The following PCDHA8 variants were observed in gnomAD, a reference collection of about 807,000 sequenced individuals.
The protein encoded by PCDHA8 is protocadherin alpha-8.
PCDHA8 carries 53 observed loss-of-function variants against 61.8 expected under a neutral mutation model. That is an observed-to-expected ratio of 0.86 (90% CI 0.69 to 1.08). PCDHA8 has a LOEUF of 1.08. PCDHA8 is among the 50% of genes least tolerant of loss of function. The pLI, the probability that PCDHA8 is intolerant of heterozygous loss-of-function variation, is 0.00. For missense variants in PCDHA8, 1,293 were observed against 1,245.0 expected, an observed-to-expected ratio of 1.04 and a Z score of -0.58; for synonymous variants, 618 against 556.6, an observed-to-expected ratio of 1.11 and a Z score of -1.55.
chr5:140,978,994 G>A lies in PCDHA8; in HGVS notation c.2440G>A (p.Ala814Thr). The A allele has an allele frequency of 6.2e-7, 1 of 1,614,152 alleles. No homozygotes were observed. The highest frequency in any genetic ancestry group is 8.5e-7 in the Non-Finnish European group (1 of 1,180,022). The change falls in exon 2 of 4, where the codon GCA (alanine) becomes ACA (threonine). Residue 814 changes from alanine to threonine, a missense_variant. Coordinates refer to ENST00000531613, the MANE Select transcript of PCDHA8 (RefSeq NM_018911.3). ...CTGGCGTTACTCTGCCTCCCTGAGA[G>A]CAGGCATGCACAGGTATGTATTTCC... ...PDWRYSASLR[A>T]GMHSSVHLEE... is the part of the protein sequence containing the mutation.
At chr5:140,876,714 CCGCGAGAG>C in intron 1 of PCDHA8, 1 of 1,614,230 alleles carries the variant, frequency 6.2e-7, no homozygotes, top group East Asian at 2.2e-5. Context: ...GCGCCCTGGA[CCGCGAGAG>C]CGTGTCGGCC....
intron 1 of PCDHA8, among the ~76,000 whole-genome samples, chr5:140,895,125 G>T (rs1165797883): frequency 2.0e-5 from 3 of 152,068 alleles, no homozygotes; most frequent in African/African-American, 7.2e-5. Flanking sequence ...TTTGTTAGTT[G>T]ACAAGTTCAT....
Position 140,841,519 on chromosome 5 carries a change from G to A in PCDHA8, c.198G>A (p.Val66=). 6.2e-7 allele frequency: 1 copy of A among 1,613,590 alleles called. No individual in the cohort carries two copies. Among genetic ancestry groups the A allele is most frequent in the Non-Finnish European group, 8.5e-7 (1 of 1,179,976 alleles). Residue 66 remains valine (V), a synonymous_variant, in exon 1 of 4, where the codon GTG becomes GTA. Transcript: ENST00000531613. The stretch of plus-strand genomic sequence containing the variant: ...AGCTGGTGCCGCGCCTGTTCCGGGT[G>A]GCGTCCAAAAGACACCGGGACCTTC... The part of the protein sequence containing the change: ...LAELVPRLFR[V]ASKRHRDLLE...
intron 1 of PCDHA8, chr5:140,870,022 T>G (rs1554163715): frequency 6.2e-7 from 1 of 1,613,310 alleles, no homozygotes; most frequent in Admixed American, 1.7e-5. Context: ...CAATGGAACT[T>G]TAGATTATGA....
At chr5:140,968,431 G>A in intron 1 of PCDHA8, 1 of 1,613,980 alleles carries the variant, frequency 6.2e-7, no homozygotes, top group Non-Finnish European at 8.5e-7. Context: ...AGGACAAGGG[G>A]AGCCCACCAC....
chr5:140,901,681 T>C (rs144868677), intron 1 of PCDHA8, among the ~76,000 whole-genome samples: 8 of 152,316 alleles, frequency 5.3e-5, no homozygotes, highest in African/African-American at 1.7e-4. Context: ...TTAGGTATTA[T>C]GGGTATTTTG....
chr5:140,850,114 C>T (rs2150468329), intron 1 of PCDHA8: 2 of 1,595,992 alleles, frequency 1.3e-6, no homozygotes, highest in Non-Finnish European at 1.7e-6. Context: ...GCGCGCGACG[C>T]GGGCGTGCCG....
At chr5:140,961,113 C>T (rs2095591220) in intron 1 of PCDHA8, among the ~76,000 whole-genome samples, 1 of 152,190 alleles carries the variant, frequency 6.6e-6, no homozygotes, top group Non-Finnish European at 1.5e-5. Context: ...AACCCCCTTG[C>T]ATCTTAATGT....
chr5:140,851,954 GGT>G, intron 1 of PCDHA8: 1 of 974,722 alleles, frequency 1.0e-6, no homozygotes, highest in Non-Finnish European at 1.2e-6. Flanking sequence ...CTTTCAAAAT[GGT>G]GGTTTTCCAC....
In PCDHA8 at chr5:140,979,814, T is replaced by C. The variant is rs1296773498; in HGVS notation, c.2453+807T>C. 3.3e-5 allele frequency among the ~76,000 whole-genome samples: 5 copies of C among 152,232 alleles called. No homozygotes were observed. The South Asian group carries it at 8.3e-4, about 25-fold the overall frequency. On this transcript the variant is annotated intron_variant, in intron 2 of 3. Transcript: ENST00000531613. The stretch of plus-strand genomic sequence containing the variant: ...CAAATGATCACAACTATCAAAAGGA[T>C]TTAATTTTAAAGAAGAAATAATCTT...
intron 1 of PCDHA8, chr5:140,881,923 AGTGATT>A (rs2058875658): frequency 3.8e-6 from 1 of 262,834 alleles, no homozygotes; most frequent in African/African-American, 2.2e-5. Flanking sequence ...AGCAGAATGC[AGTGATT>A]TGCTGTTTCT....
rs1554164263 is a variant in PCDHA8, at chr5:140,870,437, C to T, written c.2394+26722C>T. ...ACGGCCAGGGTATCCGTGGAGGTGG[C>T]CGACGTGAACGACAATGCGCCTGCG... On this transcript the variant is annotated intron_variant, in intron 1 of 3. Transcript: ENST00000531613. 3.1e-6 allele frequency: 5 copies of T among 1,614,210 alleles called. No homozygotes were observed. In the East Asian group the frequency reaches 1.1e-4, roughly 36 times the overall value.
chr5:140,886,931 G>C (rs1426144437), intron 1 of PCDHA8, among the ~76,000 whole-genome samples: 1 of 151,756 alleles, frequency 6.6e-6, no homozygotes, highest in South Asian at 2.1e-4. Flanking sequence ...CTATGTGCCA[G>C]GCATGTTCTA....
chr5:140,854,758 C>T (rs2150321610), intron 1 of PCDHA8: 1 of 149,590 alleles, frequency 6.7e-6, no homozygotes, highest in South Asian at 2.1e-4. Context: ...ATTACATTTT[C>T]ATTCCTGAAT....
At chr5:141,005,520 G>A (rs34458028) in intron 3 of PCDHA8, among the ~76,000 whole-genome samples, 7,602 of 151,238 alleles carry the variant, frequency 0.05, 239 homozygotes, top group South Asian at 0.11. Flanking sequence ...TGGCTAACAC[G>A]GTGAAACCCC....
chr5:140,960,120 C>A (rs2095527331), intron 1 of PCDHA8, among the ~76,000 whole-genome samples: 1 of 152,118 alleles, frequency 6.6e-6, no homozygotes, highest in African/African-American at 2.4e-5. Context: ...AATAGTATTC[C>A]TTATGAAATA....
In PCDHA8 at chr5:140,883,748, C is replaced by T. The variant is rs782541066; in HGVS notation, c.2394+40033C>T. The T allele has an allele frequency of 4.3e-6, 7 of 1,613,146 alleles. No individual in the cohort carries two copies. The East Asian group carries it at 1.6e-4, about 36-fold the overall frequency. On this transcript the variant is annotated intron_variant, in intron 1 of 3. Transcript: ENST00000531613. ...GGAGAACGCGCTGGTCTCCTACTCG[C>T]TGGTGGAGCGGCGGGTGGGCGAGCG... is the stretch of plus-strand genomic sequence containing the variant.
At chr5:140,913,166 GTTC>G (rs1273182839) in intron 1 of PCDHA8, among the ~76,000 whole-genome samples, 1 of 152,160 alleles carries the variant, frequency 6.6e-6, no homozygotes, top group Non-Finnish European at 1.5e-5. Flanking sequence ...ATTGGTATTA[GTTC>G]TTCTTTAAAT....
chr5:140,867,344 C>G (rs2049899948), intron 1 of PCDHA8: 1 of 152,034 alleles, frequency 6.6e-6, no homozygotes, highest in South Asian at 2.1e-4. Flanking sequence ...TTAGAGGCTA[C>G]TATGATTGAT....
Sources: gnomAD v4.1 joint callset for allele counts (sites outside exome capture counted in the v4.1 genomes callset) on GRCh38, gnomAD v4.1.1 for gene constraint, MANE v1.5 for transcripts, NCBI Gene and HGNC (gene_info 2026-07-23, HGNC 2026-07-21) for gene names.